The following SPAM1 variants were observed in gnomAD, a reference collection of about 807,000 sequenced individuals.
SPAM1 encodes hyaluronidase PH-20.
In SPAM1, 22 loss-of-function variants were observed where a neutral mutation model predicts 29.6. The ratio of observed to expected loss-of-function variants is 0.74; its 90% confidence interval spans 0.53 to 1.06. The LOEUF is 1.06. Among genes scored for constraint, SPAM1 ranks in the 50% least tolerant of loss-of-function variants. SPAM1 has a pLI of 0.00. For missense variants in SPAM1, 534 were observed against 604.0 expected (o/e 0.88, Z 1.21); for synonymous variants, 194 against 204.6 (o/e 0.95, Z 0.44).
rs768589392 is a variant in SPAM1, at chr7:123,955,017, T to A, written c.975T>A (p.Phe325Leu). The change falls in exon 4 of 5, where the codon TTT (phenylalanine) becomes TTA (leucine). Residue 325 changes from phenylalanine (F) to leucine (L), a missense_variant. Physicochemically the swap from Phe to Leu is conservative, Grantham distance 22 (BLOSUM62 0). Transcript: ENST00000682466. ...TCCAGGATGAACTTGTGTATACATT[T>A]GGCGAAACTGTTGCTCTGGGTGCTT... ...FLSQDELVYT[F>L]GETVALGASG... 2 of 1,611,442 alleles carry A rather than the reference T, an allele frequency of 1.2e-6. No homozygotes were observed. The highest frequency in any genetic ancestry group is 1.7e-6 in the Non-Finnish European group (2 of 1,178,026).
chr7:123,951,019 G>A (rs1230312730), intron 2 of SPAM1, among the ~76,000 whole-genome samples: 2 of 152,122 alleles, frequency 1.3e-5, no homozygotes, highest in African/African-American at 4.8e-5. Flanking sequence ...GTGATGTTGA[G>A]CATTTTCTCA....
intron 1 of SPAM1, among the ~76,000 whole-genome samples, chr7:123,945,760 GT>G (rs1215922379): frequency 6.6e-6 from 1 of 151,908 alleles, no homozygotes; most frequent in Non-Finnish European, 1.5e-5. Flanking sequence ...AAGAACAGTT[GT>G]TTTTTAAGAC....
chr7:123,939,992 G>A (rs1260982944), intron 1 of SPAM1, among the ~76,000 whole-genome samples: 2 of 151,890 alleles, frequency 1.3e-5, no homozygotes, highest in African/African-American at 2.4e-5. Context: ...TTTCCTTGTT[G>A]TTTTTGGAAT....
At chr7:123,925,462 A>G (rs1807848912) in intron 1 of SPAM1, 110 bp downstream of exon 1, 1 of 152,164 alleles carries the variant, frequency 6.6e-6, no homozygotes, top group African/African-American at 2.4e-5. Flanking sequence ...CTAGATTTTT[A>G]TGTTCCACTT....
intron 1 of SPAM1, among the ~76,000 whole-genome samples, chr7:123,930,868 A>G (rs1808054668): frequency 6.6e-6 from 1 of 152,150 alleles, no homozygotes; most frequent in Non-Finnish European, 1.5e-5. Flanking sequence ...ATCTAACCCA[A>G]AACAAAGGGA....
intron 1 of SPAM1, among the ~76,000 whole-genome samples, chr7:123,939,085 C>CTTTT (rs67180090): frequency 1.6e-5 from 2 of 123,804 alleles, no homozygotes; most frequent in Admixed American, 8.4e-5. Context: ...ATCTTCAAGT[C>CTTTT]TTTTTTTTTT....
downstream of SPAM1, among the ~76,000 whole-genome samples, chr7:123,964,593 T>C (rs982607377): frequency 2.0e-5 from 3 of 151,958 alleles, no homozygotes; most frequent in Non-Finnish European, 2.9e-5. Flanking sequence ...AGCATGGTGA[T>C]AGCTCATTGT....
downstream of SPAM1, among the ~76,000 whole-genome samples, chr7:123,963,753 A>G (rs754123517): frequency 6.6e-6 from 1 of 151,908 alleles, no homozygotes; most frequent in Non-Finnish European, 1.5e-5. Context: ...AGCAGGATAT[A>G]GGGAGAAGAG....
chr7:123,941,806 A>G (rs1808437240), intron 1 of SPAM1, among the ~76,000 whole-genome samples: 1 of 152,138 alleles, frequency 6.6e-6, no homozygotes, highest in South Asian at 2.1e-4. Flanking sequence ...CTTTCAGGAA[A>G]AGCATTTTAG....
At chr7:123,950,037 T>TA (rs1020733827) in intron 2 of SPAM1, 54 bp downstream of exon 2, 10 of 151,948 alleles carry the variant, frequency 6.6e-5, no homozygotes, top group Admixed American at 2.0e-4. Context: ...AGAAGTGCTT[T>TA]AAGAAGGAAT....
intron 1 of SPAM1, among the ~76,000 whole-genome samples, chr7:123,948,133 A>G (rs1321237549): frequency 2.0e-5 from 3 of 152,212 alleles, no homozygotes; most frequent in Non-Finnish European, 2.9e-5. Flanking sequence ...TTTCTTAGAA[A>G]AAAAATCTTA....
intron 1 of SPAM1, among the ~76,000 whole-genome samples, chr7:123,946,144 G>A (rs545474984): frequency 6.6e-6 from 1 of 152,326 alleles, no homozygotes; most frequent in African/African-American, 2.4e-5. Context: ...TTCCCTGTTG[G>A]AAGTGAGCTC....
At chr7:123,943,941 C>A (rs903218458) in intron 1 of SPAM1, among the ~76,000 whole-genome samples, 2 of 152,054 alleles carry the variant, frequency 1.3e-5, no homozygotes, top group African/African-American at 2.4e-5. Context: ...ATTATCTTGA[C>A]CATAAGATAT....
downstream of SPAM1, among the ~76,000 whole-genome samples, chr7:123,960,564 C>T (rs146887764): frequency 2.5e-3 from 386 of 152,082 alleles, 1 homozygote; most frequent in African/African-American, 8.7e-3. Flanking sequence ...GAAAGGAATA[C>T]TTTCAGTGTA....
chr7:123,938,142 A>G (rs1366906349), intron 1 of SPAM1, among the ~76,000 whole-genome samples: 1 of 150,628 alleles, frequency 6.6e-6, no homozygotes, highest in Non-Finnish European at 1.5e-5. Flanking sequence ...CCCAGGCTAG[A>G]GTACAGTGGC....
At chr7:123,960,589 G>A (rs1250227091), downstream of SPAM1, among the ~76,000 whole-genome samples, 1 of 151,826 alleles carries the variant, frequency 6.6e-6, no homozygotes, top group African/African-American at 2.4e-5. Context: ...ATTAACCTTC[G>A]ACTCTCTTTT....
intron 5 of SPAM1, among the ~76,000 whole-genome samples, chr7:123,969,153 G>A (rs1411605823): frequency 6.6e-6 from 1 of 151,922 alleles, no homozygotes; most frequent in Admixed American, 6.6e-5. Flanking sequence ...TTTTACTGTT[G>A]AGTTGTTTGA....
rs752598706 is a variant in SPAM1, at chr7:123,970,225, A to T, written c.1513A>T (p.Ile505Phe). 1.8e-5 allele frequency: 28 copies of T among 1,549,042 alleles called. No individual in the cohort carries two copies. In the South Asian group the frequency reaches 3.1e-4, roughly 17 times the overall value. The change falls in exon 6 of 7, where the codon ATT becomes TTT. Residue 505 changes from isoleucine (I) to phenylalanine (F), a missense_variant. Transcript: ENST00000340011. Reference sequence around the variant, plus strand: ...GAGGCTGGAAGTCTGGGATCAAGGTATTAGCAGAATTGGTTTCTTCTGAGA... The same window carrying T: ...GAGGCTGGAAGTCTGGGATCAAGGTTTTAGCAGAATTGGTTTCTTCTGAGA...
At chr7:123,951,914 G>A (rs1808781444) in intron 2 of SPAM1, among the ~76,000 whole-genome samples, 2 of 152,050 alleles carry the variant, frequency 1.3e-5, no homozygotes, top group Non-Finnish European at 2.9e-5. Context: ...GAGCCATCAT[G>A]CCCAGCTCCC....
Sources: allele counts gnomAD v4.1 joint callset (sites outside exome capture counted in the v4.1 genomes callset), GRCh38; gene constraint gnomAD v4.1.1; transcripts MANE v1.5; gene names NCBI Gene and HGNC (gene_info 2026-07-23, HGNC 2026-07-21).